The following PMP2 variants were observed in gnomAD, a reference collection of about 807,000 sequenced individuals.
PMP2 encodes the protein myelin P2 protein.
A neutral mutation model predicts 15.9 loss-of-function variants in PMP2; 11 were observed. That is an observed-to-expected ratio of 0.69 (90% CI 0.44 to 1.14). The LOEUF is 1.14. Among genes scored for constraint, PMP2 ranks in the 50% most tolerant of loss-of-function variants. PMP2 has a pLI of 0.00. For missense variants in PMP2, 151 were observed against 154.0 expected, an observed-to-expected ratio of 0.98 and a Z score of 0.10; for synonymous variants, 55 against 54.1, an observed-to-expected ratio of 1.02 and a Z score of -0.07.
chr8:81,447,402 C>G lies in PMP2; in HGVS notation c.-16G>C, dbSNP rs751917924. The G allele has an allele frequency of 1.1e-5, 18 of 1,605,176 alleles. No homozygotes were observed. The Middle Eastern group carries it at 6.6e-4, about 59-fold the overall frequency. ...TGTTGCTCATCGTGATGGGTGAGAG[C>G]TCAACACAGTTCTAAGTGGGATTCA... On this transcript the variant is annotated 5_prime_UTR_variant, in exon 1 of 4. Transcript: ENST00000256103.
chr8:81,444,711 C>T, intron 2 of PMP2, 106 bp downstream of exon 2: 1 of 1,320,812 alleles, frequency 7.6e-7, no homozygotes, highest in Non-Finnish European at 1.1e-6. Context: ...TCAGGAGGTA[C>T]ACTCCTTTTC....
At position 81,441,254 on chromosome 8, in the gene PMP2, C is replaced by T. The variant is rs1016953784; in HGVS notation, c.*2144G>A. The T allele has an allele frequency of 1.3e-5, 2 of 151,988 alleles. No homozygotes were observed. The highest frequency in any genetic ancestry group is 4.8e-5 in the African/African-American group (2 of 41,398). The allele number at this position is 151,988 out of a possible 1,614,324, so 9.4% of individuals were successfully genotyped here. On this transcript the variant is annotated 3_prime_UTR_variant, in exon 4 of 4. Coordinates refer to ENST00000256103, the MANE Select transcript of PMP2 (RefSeq NM_002677.5). ...TTTGATAACCTAGTCAAGAGGTTGT[C>T]CATTTTTTTCCATTGCATGGTTACT...
At position 81,444,946 on chromosome 8, in the gene PMP2, G is replaced by A. The variant is rs763235349; in HGVS notation, c.117C>T (p.Pro39=). Residue 39 remains proline (P), a synonymous_variant, in exon 2 of 4, where the codon CCC becomes CCT. Transcript: ENST00000256103. ...ATRKLGNLAK[P]TVIISKKGDI... is the part of the protein sequence containing the mutation. The stretch of plus-strand genomic sequence containing the variant: ...CTCCTTTCTTGCTGATGATCACAGT[G>A]GGTTTGGCCAAATTTCCCAGTTTTC... The A allele has an allele frequency of 2.3e-5, 37 of 1,613,722 alleles. No homozygotes were observed. In the South Asian group the frequency reaches 3.7e-4, roughly 16 times the overall value.
In PMP2 at chr8:81,441,692, A is replaced by C. The variant is rs1037449862; in HGVS notation, c.*1706T>G. ...AATTTATTTTATTTTTTTCTCAATT[A>C]TCTTGTTATTTATTTTTCTCAATTA... On this transcript the variant is annotated 3_prime_UTR_variant, in exon 4 of 4. Transcript: ENST00000256103. 2 of 151,626 alleles carry C rather than the reference A, an allele frequency of 1.3e-5. No individual in the cohort carries two copies. Among genetic ancestry groups the C allele is most frequent in the African/African-American group, 4.8e-5 (2 of 41,284 alleles). 9.4% of individuals were successfully genotyped at this position (151,626 alleles called of 1,614,324 possible).
intron 1 of PMP2, among the ~76,000 whole-genome samples, chr8:81,446,789 A>C (rs1807455885): frequency 6.6e-6 from 1 of 152,178 alleles, no homozygotes; most frequent in African/African-American, 2.4e-5. Flanking sequence ...TGAACACAGT[A>C]TTTTAGGAAG....
chr8:81,445,075 T>G (rs556707376), intron 1 of PMP2, 86 bp from the exon 2 acceptor site: 1 of 1,081,180 alleles, frequency 9.2e-7, no homozygotes, highest in Non-Finnish European at 1.3e-6. Flanking sequence ...CGCTCAGTGG[T>G]GCCCCAGGTG....
At position 81,442,067 on chromosome 8, in the gene PMP2, T is replaced by C. The variant is rs556876172; in HGVS notation, c.*1331A>G. Reference sequence around the variant, plus strand: ...ATGCATGTGTATTATCACACACATATATGCATGGAGGCATGTGTATGCAAT... The same window carrying C: ...ATGCATGTGTATTATCACACACATACATGCATGGAGGCATGTGTATGCAAT... On this transcript the variant is annotated 3_prime_UTR_variant, in exon 4 of 4. Coordinates refer to ENST00000256103, the MANE Select transcript of PMP2 (RefSeq NM_002677.5). 3.3e-5 allele frequency: 5 copies of C among 152,262 alleles called. No homozygotes were observed. The highest frequency in any genetic ancestry group is 6.5e-5 in the Admixed American group (1 of 15,296). 9.4% of individuals were successfully genotyped at this position (152,262 alleles called of 1,614,324 possible).
At position 81,441,560 on chromosome 8, in the gene PMP2, A is replaced by G. The variant is rs1807344033; in HGVS notation, c.*1838T>C. Reference sequence around the variant, plus strand: ...TATCTATCTATCTATCTATCTATCTATCTATATATCTATCTATCATCTGTC... The same window carrying G: ...TATCTATCTATCTATCTATCTATCTGTCTATATATCTATCTATCATCTGTC... On this transcript the variant is annotated 3_prime_UTR_variant, in exon 4 of 4. Transcript: ENST00000256103. 6.7e-6 allele frequency: 1 copy of G among 149,058 alleles called. No homozygotes were observed. The highest frequency in any genetic ancestry group is 1.5e-5 in the Non-Finnish European group (1 of 67,768). The allele number at this position is 149,058 out of a possible 1,614,324, so 9.2% of individuals were successfully genotyped here.
At chr8:81,444,659 T>C (rs996019919) in intron 2 of PMP2, 58 bp from the exon 3 acceptor site, 2 of 1,485,872 alleles carry the variant, frequency 1.3e-6, no homozygotes, top group Admixed American at 1.7e-5. Context: ...AAAGAAGCAG[T>C]TCTTTCAGTA....
intron 1 of PMP2, among the ~76,000 whole-genome samples, chr8:81,446,452 T>G (rs1200914076): frequency 6.6e-6 from 1 of 152,220 alleles, no homozygotes; most frequent in Non-Finnish European, 1.5e-5. Flanking sequence ...TCATTTTATC[T>G]AAAATAGAAC....
intron 1 of PMP2, 60 bp downstream of exon 1, chr8:81,447,254 A>G (rs1442165723): frequency 1.5e-6 from 2 of 1,293,592 alleles, no homozygotes; most frequent in Non-Finnish European, 2.3e-6. Flanking sequence ...GTAGATGAAA[A>G]TGTCATGTAG....
Position 81,444,892 on chromosome 8 carries a change from G to A in PMP2, c.171C>T (p.Thr57=). The A allele has an allele frequency of 6.2e-7, 1 of 1,613,554 alleles. No individual in the cohort carries two copies. The highest frequency in any genetic ancestry group is 1.3e-5 in the African/African-American group (1 of 75,020). Residue 57 remains threonine (T), a synonymous_variant, in exon 2 of 4, where the codon ACC becomes ACT. Coordinates refer to ENST00000256103, the MANE Select transcript of PMP2 (RefSeq NM_002677.5). Reference sequence around the variant, plus strand: ...TGAAGGAGATTTCTGTATTTTTAAAGGTACTTTCAGTTCGTATAGTTATAA... The same window carrying A: ...TGAAGGAGATTTCTGTATTTTTAAAAGTACTTTCAGTTCGTATAGTTATAA... ...GDIITIRTES[T]FKNTEISFKL...
At chr8:81,444,702 C>A in intron 2 of PMP2, 101 bp from the exon 3 acceptor site, 1 of 1,319,746 alleles carries the variant, frequency 7.6e-7, no homozygotes. Flanking sequence ...ATAGATGTCT[C>A]AGGAGGTACA....
At chr8:81,447,281 C>T in intron 1 of PMP2, 33 bp downstream of exon 1, 1 of 1,546,604 alleles carries the variant, frequency 6.5e-7, no homozygotes, top group East Asian at 2.2e-5. Context: ...TAAAAAGGAG[C>T]TTTTCAGCAG....
At position 81,440,775 on chromosome 8, in the gene PMP2, G is replaced by A. The variant is rs1164649143; in HGVS notation, c.*2623C>T. 2.6e-5 allele frequency: 4 copies of A among 152,098 alleles called. No individual in the cohort carries two copies. The highest frequency in any genetic ancestry group is 9.7e-5 in the African/African-American group (4 of 41,420). The allele number at this position is 152,098 out of a possible 1,614,324, so 9.4% of individuals were successfully genotyped here. A position where few individuals can be genotyped will look rare whatever the true frequency, so the allele number is the denominator to read the frequency against. Reference sequence around the variant, plus strand: ...TTTATGTATGTTTGTGTGTACTGTTGCACATGCAAATGCACACAAATATAT... The same window carrying A: ...TTTATGTATGTTTGTGTGTACTGTTACACATGCAAATGCACACAAATATAT... On this transcript the variant is annotated 3_prime_UTR_variant, in exon 4 of 4. Coordinates refer to ENST00000256103, the MANE Select transcript of PMP2 (RefSeq NM_002677.5).
chr8:81,444,519 A>G lies in PMP2; in HGVS notation c.329T>C (p.Val110Ala), dbSNP rs777905842. Residue 110 changes from valine to alanine, a missense_variant, in exon 3 of 4, where the codon GTG becomes GCG. Transcript: ENST00000256103. ...TCTTACCGCTACCATTTTCCCATTC[A>G]CTAGCTTTCTCTTTATGGTTGTCTC... The part of the protein sequence containing the change: ...GKETTIKRKL[V>A]NGKMVAECKM... The G allele has an allele frequency of 6.2e-7, 1 of 1,611,174 alleles. No individual in the cohort carries two copies. Among genetic ancestry groups the G allele is most frequent in the Non-Finnish European group, 8.5e-7 (1 of 1,177,618 alleles).
Position 81,441,677 on chromosome 8 carries a change from A to AT in PMP2, c.*1720dup, listed in dbSNP as rs559171374. 6.7e-6 allele frequency: 1 copy of AT among 150,268 alleles called. No individual in the cohort carries two copies. Among genetic ancestry groups the AT allele is most frequent in the Non-Finnish European group, 1.5e-5 (1 of 67,456 alleles). 9.3% of individuals were successfully genotyped at this position (150,268 alleles called of 1,614,324 possible). On this transcript the variant is annotated 3_prime_UTR_variant, in exon 4 of 4. Coordinates refer to ENST00000256103, the MANE Select transcript of PMP2 (RefSeq NM_002677.5). ...CCCAATGGAATTGGGAATTTATTTT[A>AT]TTTTTTTCTCAATTATCTTGTTATT...
chr8:81,444,884 T>A lies in PMP2; in HGVS notation c.179A>T (p.Asn60Ile), dbSNP rs76057946. The A allele has an allele frequency of 1.7e-3, 2,704 of 1,613,632 alleles. 48 individuals carry two copies. In the African/African-American group the frequency reaches 0.031, roughly 18 times the overall value. The change falls in exon 2 of 4, where the codon AAT becomes ATT. Residue 60 changes from asparagine (N) to isoleucine (I), a missense_variant. Physicochemically the swap from Asn to Ile is moderately radical, Grantham distance 149. Coordinates refer to ENST00000256103, the MANE Select transcript of PMP2 (RefSeq NM_002677.5). ...GCCTAGCTTGAAGGAGATTTCTGTATTTTTAAAGGTACTTTCAGTTCGTAT... is the reference window on the plus strand; with the variant it reads ...GCCTAGCTTGAAGGAGATTTCTGTAATTTTAAAGGTACTTTCAGTTCGTAT... Reference protein sequence around the residue: ...ITIRTESTFKNTEISFKLGQE... With the variant: ...ITIRTESTFKITEISFKLGQE...
Position 81,443,388 on chromosome 8 carries a change from A to T in PMP2, c.*10T>A. 10 of 1,580,036 alleles carry T rather than the reference A, an allele frequency of 6.3e-6. No homozygotes were observed. Among genetic ancestry groups the T allele is most frequent in the Non-Finnish European group, 7.8e-6 (9 of 1,157,970 alleles). On this transcript the variant is annotated 3_prime_UTR_variant, in exon 4 of 4. Transcript: ENST00000256103. ...ATGATAAAAAGCCACTTCAATGAAG[A>T]AATGATTTTTCAGACCTTCTCATAG...
Sources: gnomAD v4.1 joint callset for allele counts (sites outside exome capture counted in the v4.1 genomes callset) on GRCh38, gnomAD v4.1.1 for gene constraint, MANE v1.5 for transcripts, NCBI Gene and HGNC (gene_info 2026-07-23, HGNC 2026-07-21) for gene names.